The following FAM180B variants were observed in gnomAD, a reference collection of about 807,000 sequenced individuals.
FAM180B encodes protein FAM180B.
FAM180B carries 14 observed loss-of-function variants against 13.6 expected under a neutral mutation model. The observed-to-expected ratio is 1.03, with a 90% CI of 0.68 to 1.60. The LOEUF (loss-of-function observed/expected upper bound fraction) is 1.60. Among genes scored for constraint, FAM180B ranks in the 40% most tolerant of loss-of-function variants. The pLI is 0.00. For missense variants in FAM180B, 212 were observed against 230.4 expected (o/e 0.92, Z 0.52); for synonymous variants, 109 against 97.0 (o/e 1.12, Z -0.72).
At position 47,587,751 on chromosome 11, in the gene FAM180B, G is replaced by C. The variant is rs1211670907; in HGVS notation, c.86G>C (p.Gly29Ala). ...SGVTTTQPHA[G>A]QPMDSTSVGG... ...GCCTGACTCCTCTCTGCTGCCCCAG[G>C]GCAGCCCATGGACAGCACCAGCGTG... The change falls in exon 2 of 3, where the codon GGG becomes GCG. Residue 29 changes from glycine (G) to alanine (A), a missense_variant and splice_region_variant. Coordinates refer to ENST00000538490, the MANE Select transcript of FAM180B (RefSeq NM_001164379.3). 16 of 1,523,922 alleles carry C rather than the reference G, an allele frequency of 1.0e-5. No homozygotes were observed. Among genetic ancestry groups the C allele is most frequent in the African/African-American group, 1.4e-5 (1 of 72,604 alleles). The allele number at this position is 1,523,922 out of a possible 1,614,324, so 94.4% of individuals were successfully genotyped here. A position where few individuals can be genotyped will look rare whatever the true frequency, so the allele number is the denominator to read the frequency against.
rs535069330 is a variant in FAM180B, at chr11:47,587,590, G to A, written c.86-161G>A. ...TGAATGTCAATGTGCATGTGTGTGC[G>A]TGAGAGGGAGGGGAAAGGAGGGCAT... is the stretch of plus-strand genomic sequence containing the variant. On this transcript the variant is annotated intron_variant, in intron 1 of 2. Transcript: ENST00000538490. Among the ~76,000 whole-genome samples the A allele has an allele frequency of 7.2e-5, 11 of 152,318 alleles. 1 individual carries two copies. The highest frequency in any genetic ancestry group is 1.9e-4 in the African/African-American group (8 of 41,548).
chr11:47,588,630 G>C lies in FAM180B; in HGVS notation c.*196G>C. ...CCAGATCTTGTTTCCTAGATCTTGAGAGGCTAAGAACCCAGGCTCTGGGTC... is the reference window on the plus strand; with the variant it reads ...CCAGATCTTGTTTCCTAGATCTTGACAGGCTAAGAACCCAGGCTCTGGGTC... On this transcript the variant is annotated 3_prime_UTR_variant, in exon 3 of 3. Transcript: ENST00000538490. 1 of 551,826 alleles carries C rather than the reference G, an allele frequency of 1.8e-6. No homozygotes were observed. The highest frequency in any genetic ancestry group is 3.2e-6 in the Non-Finnish European group (1 of 310,924). The allele number at this position is 551,826 out of a possible 1,614,324, so 34.2% of individuals were successfully genotyped here.
At position 47,588,487 on chromosome 11, in the gene FAM180B, AC is replaced by A. The variant is rs1360269825; in HGVS notation, c.*59del. Reference sequence around the variant, plus strand: ...ATTACCCCCTCCCATCTCCTCCTCAACCCCCCAGGCAGACCCATCTTGCGCA... The same window carrying A: ...ATTACCCCCTCCCATCTCCTCCTCAACCCCCAGGCAGACCCATCTTGCGCA... On this transcript the variant is annotated 3_prime_UTR_variant, in exon 3 of 3. Transcript: ENST00000538490. 1.2e-5 allele frequency: 10 copies of A among 828,560 alleles called. No homozygotes were observed. The highest frequency in any genetic ancestry group is 2.8e-5 in the Admixed American group (1 of 35,540). The allele number at this position is 828,560 out of a possible 1,614,324, so 51.3% of individuals were successfully genotyped here.
chr11:47,586,868 G>T lies in FAM180B; in HGVS notation c.85+15G>T. 6.6e-7 allele frequency: 1 copy of T among 1,523,996 alleles called. No individual in the cohort carries two copies. The highest frequency in any genetic ancestry group is 8.8e-7 in the Non-Finnish European group (1 of 1,134,766). 94.4% of individuals were successfully genotyped at this position (1,523,996 alleles called of 1,614,324 possible). ...GCCCCATGCAGGTACCAGGCTTCAG[G>T]GTGGGTGGAGAGGAGCCAAGGCTGC... On this transcript the variant is annotated intron_variant, in intron 1 of 2. Transcript: ENST00000538490.
chr11:47,586,800 T>C lies in FAM180B; in HGVS notation c.32T>C (p.Leu11Pro). ...GCGACCCTGCAGTTCCTGGTTTGCCTGGTGGTAGCCATTTGTCTCCTCTCT... is the reference window on the plus strand; with the variant it reads ...GCGACCCTGCAGTTCCTGGTTTGCCCGGTGGTAGCCATTTGTCTCCTCTCT... MAATLQFLVC[L>P]VVAICLLSGV... Residue 11 changes from leucine (L) to proline (P), a missense_variant, in exon 1 of 3, where the codon CTG becomes CCG. By Grantham distance (98) the Leu-to-Pro change is moderately conservative. Transcript: ENST00000538490. The C allele has an allele frequency of 6.5e-7, 1 of 1,537,244 alleles. No homozygotes were observed. Among genetic ancestry groups the C allele is most frequent in the Non-Finnish European group, 8.7e-7 (1 of 1,146,884 alleles).
intron 1 of FAM180B, 116 bp downstream of exon 1, chr11:47,586,969 C>T: frequency 1.4e-6 from 1 of 703,780 alleles, no homozygotes; most frequent in South Asian, 1.7e-5. Flanking sequence ...GGGTACCAGG[C>T]TGATGTGTGC....
Position 47,588,602 on chromosome 11 carries a change from C to T in FAM180B, c.*168C>T, listed in dbSNP as rs1423892811. Reference sequence around the variant, plus strand: ...CTGGACACCCCCTCTCTGCTTACCCCGACCAGATCTTGTTTCCTAGATCTT... The same window carrying T: ...CTGGACACCCCCTCTCTGCTTACCCTGACCAGATCTTGTTTCCTAGATCTT... On this transcript the variant is annotated 3_prime_UTR_variant, in exon 3 of 3. Transcript: ENST00000538490. 8 of 558,468 alleles carry T rather than the reference C, an allele frequency of 1.4e-5. No individual in the cohort carries two copies. The highest frequency in any genetic ancestry group is 4.5e-4 in the Middle Eastern group (1 of 2,208). 34.6% of individuals were successfully genotyped at this position (558,468 alleles called of 1,614,324 possible). A position where few individuals can be genotyped will look rare whatever the true frequency, so the allele number is the denominator to read the frequency against.
Position 47,588,935 on chromosome 11 carries a change from G to GCC in FAM180B, c.*501_*502insCC, listed in dbSNP as rs1178250377. The GCC allele has an allele frequency of 6.6e-6, 1 of 152,182 alleles. No homozygotes were observed. Among genetic ancestry groups the GCC allele is most frequent in the Non-Finnish European group, 1.5e-5 (1 of 68,108 alleles). 9.4% of individuals were successfully genotyped at this position (152,182 alleles called of 1,614,324 possible). A position where few individuals can be genotyped will look rare whatever the true frequency, so the allele number is the denominator to read the frequency against. On this transcript the variant is annotated 3_prime_UTR_variant, in exon 3 of 3. Transcript: ENST00000538490. ...TTTTAGGCACAACCAAGGATTTGGG[G>GCC]TCTCTGAGCCTCCAAGTTCCCATCT...
Position 47,586,816 on chromosome 11 carries a change from TCTC to T in FAM180B, c.52_54del (p.Leu18del). ...TGGTTTGCCTGGTGGTAGCCATTTG[TCTC>T]CTCTCTGGTGTGACTACAACCCAGC... is the stretch of plus-strand genomic sequence containing the variant. On this transcript the variant is annotated inframe_deletion, in exon 1 of 3. Transcript: ENST00000538490. The T allele has an allele frequency of 4.6e-6, 7 of 1,537,196 alleles. No individual in the cohort carries two copies. The highest frequency in any genetic ancestry group is 6.1e-6 in the Non-Finnish European group (7 of 1,146,858).
At position 47,586,934 on chromosome 11, in the gene FAM180B, T is replaced by G. The variant is rs1015891059; in HGVS notation, c.85+81T>G. 2.8e-5 allele frequency: 27 copies of G among 979,002 alleles called. No individual in the cohort carries two copies. In the Admixed American group the frequency reaches 5.0e-4, roughly 18 times the overall value. The allele number at this position is 979,002 out of a possible 1,614,324, so 60.6% of individuals were successfully genotyped here. A position where few individuals can be genotyped will look rare whatever the true frequency, so the allele number is the denominator to read the frequency against. On this transcript the variant is annotated intron_variant, in intron 1 of 2. Coordinates refer to ENST00000538490, the MANE Select transcript of FAM180B (RefSeq NM_001164379.3). ...AACAGTTGGCTCTATTTGAGGCTAGTCGGGCATAGAAGCGTGGGCATGGTG... is the reference window on the plus strand; with the variant it reads ...AACAGTTGGCTCTATTTGAGGCTAGGCGGGCATAGAAGCGTGGGCATGGTG...
At chr11:47,588,011 C>A in intron 2 of FAM180B, 28 bp from the exon 3 acceptor site, 1 of 1,511,090 alleles carries the variant, frequency 6.6e-7, no homozygotes. Flanking sequence ...CAGGCCACAG[C>A]CCACCCCTTA....
Position 47,588,749 on chromosome 11 carries a change from TGTGTGTG to T in FAM180B, c.*317_*323del. On this transcript the variant is annotated 3_prime_UTR_variant, in exon 3 of 3. Coordinates refer to ENST00000538490, the MANE Select transcript of FAM180B (RefSeq NM_001164379.3). The stretch of plus-strand genomic sequence containing the variant: ...GTGTGTGTGTGTGTGTGTGTGTGTG[TGTGTGTG>T]GAGATCAGGGGTCAGGGTTGAGAAG... 7.7e-6 allele frequency: 2 copies of T among 258,358 alleles called. No homozygotes were observed. Among genetic ancestry groups the T allele is most frequent in the Non-Finnish European group, 1.4e-5 (2 of 138,112 alleles). The allele number at this position is 258,358 out of a possible 1,614,324, so 16.0% of individuals were successfully genotyped here.
rs923621365 is a variant in FAM180B at position 47,589,008 on chromosome 11, G to C, written c.*574G>C. On this transcript the variant is annotated 3_prime_UTR_variant, in exon 3 of 3. Coordinates refer to ENST00000538490, the MANE Select transcript of FAM180B (RefSeq NM_001164379.3). ...GAGTTCTGTCAGTTGGAAGAGTGGA[G>C]GGAAGCAGGGGGAGGGAGGAACATT... 3.9e-5 allele frequency: 6 copies of C among 152,076 alleles called. No homozygotes were observed. Among genetic ancestry groups the C allele is most frequent in the Non-Finnish European group, 5.9e-5 (4 of 68,110 alleles). 9.4% of individuals were successfully genotyped at this position (152,076 alleles called of 1,614,324 possible). A position where few individuals can be genotyped will look rare whatever the true frequency, so the allele number is the denominator to read the frequency against.
Position 47,588,685 on chromosome 11 carries a change from G to A in FAM180B, c.*251G>A. 2.1e-6 allele frequency: 1 copy of A among 481,894 alleles called. No homozygotes were observed. Among genetic ancestry groups the A allele is most frequent in the Non-Finnish European group, 3.7e-6 (1 of 269,956 alleles). 29.9% of individuals were successfully genotyped at this position (481,894 alleles called of 1,614,324 possible). A position where few individuals can be genotyped will look rare whatever the true frequency, so the allele number is the denominator to read the frequency against. On this transcript the variant is annotated 3_prime_UTR_variant, in exon 3 of 3. Transcript: ENST00000538490. ...GGAGTGCGCAAGGAGTGGGCACAGA[G>A]CTAAGGGCACGACTTGCAGGCAGTG...
intron 2 of FAM180B, 29 bp from the exon 3 acceptor site, chr11:47,588,010 G>T (rs1434118744): frequency 6.6e-7 from 1 of 1,510,586 alleles, no homozygotes; most frequent in East Asian, 2.5e-5. Context: ...CCAGGCCACA[G>T]CCCACCCCTT....
At chr11:47,587,296 C>T (rs2097272118) in intron 1 of FAM180B, among the ~76,000 whole-genome samples, 1 of 152,184 alleles carries the variant, frequency 6.6e-6, no homozygotes, top group Admixed American at 6.5e-5. Flanking sequence ...CCTCCTCCCT[C>T]CCTTACTGCT....
Position 47,587,799 on chromosome 11 carries a change from A to G in FAM180B, c.134A>G (p.Glu45Gly). 2 of 1,535,162 alleles carry G rather than the reference A, an allele frequency of 1.3e-6. No individual in the cohort carries two copies. The highest frequency in any genetic ancestry group is 1.7e-6 in the Non-Finnish European group (2 of 1,145,720). ...TSVGGGLQEPEAPEVMFELLW... is the reference protein window; with the variant it reads ...TSVGGGLQEPGAPEVMFELLW... ...GTGGGAGGTGGCCTGCAGGAGCCAG[A>G]GGCCCCGGAAGTGATGTTTGAGGTC... Residue 45 changes from glutamate to glycine, a missense_variant, in exon 2 of 3, where the codon GAG becomes GGG. Glu to Gly is a moderately conservative substitution (Grantham distance 98, BLOSUM62 -2). Coordinates refer to ENST00000538490, the MANE Select transcript of FAM180B (RefSeq NM_001164379.3).
At position 47,587,847 on chromosome 11, in the gene FAM180B, G is replaced by C. The variant is rs761076997; in HGVS notation, c.156+26G>C. On this transcript the variant is annotated intron_variant, in intron 2 of 2. Coordinates refer to ENST00000538490, the MANE Select transcript of FAM180B (RefSeq NM_001164379.3). ...GTCTTTCCTCCCAGCCTGGGACATGGGGGTGGGCACGTCCAGAGGTCCCTA... is the reference window on the plus strand; with the variant it reads ...GTCTTTCCTCCCAGCCTGGGACATGCGGGTGGGCACGTCCAGAGGTCCCTA... 6 of 1,514,422 alleles carry C rather than the reference G, an allele frequency of 4.0e-6. No individual in the cohort carries two copies. In the African/African-American group the frequency reaches 8.3e-5, roughly 21 times the overall value. The allele number at this position is 1,514,422 out of a possible 1,614,324, so 93.8% of individuals were successfully genotyped here.
Position 47,587,759 on chromosome 11 carries a change from A to G in FAM180B, c.94A>G (p.Met32Val). The change falls in exon 2 of 3, where the codon ATG becomes GTG. Residue 32 changes from methionine (M) to valine (V), a missense_variant. By Grantham distance (21) the Met-to-Val change is conservative (BLOSUM62 1). Coordinates refer to ENST00000538490, the MANE Select transcript of FAM180B (RefSeq NM_001164379.3). ...TTTQPHAGQP[M>V]DSTSVGGGLQ... ...CCTCTCTGCTGCCCCAGGGCAGCCC[A>G]TGGACAGCACCAGCGTGGGAGGTGG... 1 of 1,531,096 alleles carries G rather than the reference A, an allele frequency of 6.5e-7. No individual in the cohort carries two copies. The allele number at this position is 1,531,096 out of a possible 1,614,324, so 94.8% of individuals were successfully genotyped here.
Sources: gnomAD v4.1 joint callset for allele counts (sites outside exome capture counted in the v4.1 genomes callset) on GRCh38, gnomAD v4.1.1 for gene constraint, MANE v1.5 for transcripts, NCBI Gene and HGNC (gene_info 2026-07-23, HGNC 2026-07-21) for gene names.